The following DNAH14 variants were observed in gnomAD, a reference collection of about 807,000 sequenced individuals.
DNAH14 encodes the protein axonemal beta dynein heavy chain 14.
DNAH14 carries 478 observed loss-of-function variants against 520.9 expected under a neutral mutation model. That is an observed-to-expected ratio of 0.92 (90% CI 0.85 to 0.99). The LOEUF (loss-of-function observed/expected upper bound fraction) is 0.99. Among genes scored for constraint, DNAH14 ranks in the 50% least tolerant of loss-of-function variants. The pLI, the probability that DNAH14 is intolerant of heterozygous loss-of-function variation, is 0.00. For synonymous variants in DNAH14, 1,581 were observed against 1,757.2 expected, an observed-to-expected ratio of 0.90 and a Z score of 2.51; for missense variants, 4,831 against 5,234.5, an observed-to-expected ratio of 0.92 and a Z score of 2.38.
At chr1:225,273,388 G>A (rs915292076) in intron 52 of DNAH14, among the ~76,000 whole-genome samples, 2 of 152,176 alleles carry the variant, frequency 1.3e-5, no homozygotes, top group Non-Finnish European at 2.9e-5. Flanking sequence ...CCGATGAGCC[G>A]AGATCGCACC....
chr1:225,103,359 A>C (rs1172014376), intron 23 of DNAH14, among the ~76,000 whole-genome samples: 1 of 152,196 alleles, frequency 6.6e-6, no homozygotes, highest in African/African-American at 2.4e-5. Context: ...CTTAGCATTG[A>C]CTTGACAATG....
intron 8 of DNAH14, among the ~76,000 whole-genome samples, chr1:224,990,701 T>G (rs2062977342): frequency 1.3e-5 from 2 of 152,224 alleles, no homozygotes; most frequent in Admixed American, 1.3e-4. Context: ...CATCTGTTAA[T>G]GGGCACTTGG....
Position 225,002,851 on chromosome 1 carries a change from G to T in DNAH14, c.899G>T (p.Gly300Val), listed in dbSNP as rs1195539052. 5 of 1,549,494 alleles carry T rather than the reference G, an allele frequency of 3.2e-6. No homozygotes were observed. Among genetic ancestry groups the T allele is most frequent in the East Asian group, 2.5e-5 (1 of 40,726 alleles). Residue 300 changes from glycine to valine, a missense_variant, in exon 9 of 86, where the codon GGA (glycine) becomes GTA (valine). Gly to Val is a moderately radical substitution (Grantham distance 109). Transcript: ENST00000682510. ...CAAACCTGTTTGGTTTATATAAGAG[G>T]ACTTTGTGAAGATGCAATTAATCTC... is the stretch of plus-strand genomic sequence containing the variant. ...LFQTCLVYIR[G>V]LCEDAINLKN...
chr1:224,985,956 A>G (rs1180171139), intron 8 of DNAH14, among the ~76,000 whole-genome samples: 1 of 152,104 alleles, frequency 6.6e-6, no homozygotes. Context: ...TTAAAAAAGA[A>G]GTTAAAAAAG....
intron 37 of DNAH14, among the ~76,000 whole-genome samples, chr1:225,191,228 A>T (rs1254274479): frequency 6.6e-6 from 1 of 151,928 alleles, no homozygotes; most frequent in African/African-American, 2.4e-5. Context: ...CCCTTTATTC[A>T]TACCTTCAGC....
At chr1:225,355,508 C>T (rs1244344084) in intron 73 of DNAH14, among the ~76,000 whole-genome samples, 2 of 152,078 alleles carry the variant, frequency 1.3e-5, no homozygotes, top group Non-Finnish European at 2.9e-5. Context: ...GAGGGCAGAG[C>T]CCCCATGACC....
At chr1:224,990,005 C>G (rs1485122305) in intron 8 of DNAH14, among the ~76,000 whole-genome samples, 1 of 143,488 alleles carries the variant, frequency 7.0e-6, no homozygotes, top group Non-Finnish European at 1.5e-5. Flanking sequence ...GAATGATGGT[C>G]TGTGTTGTTG....
chr1:225,385,323 C>T (rs1441590624), intron 81 of DNAH14, among the ~76,000 whole-genome samples: 2 of 152,178 alleles, frequency 1.3e-5, no homozygotes, highest in Non-Finnish European at 2.9e-5. Flanking sequence ...TGGCACAAGA[C>T]AGGGATGCCC....
At chr1:224,958,909 G>A (rs1167306285) in intron 3 of DNAH14, among the ~76,000 whole-genome samples, 1 of 152,076 alleles carries the variant, frequency 6.6e-6, no homozygotes, top group Non-Finnish European at 1.5e-5. Context: ...GAATCAAAAA[G>A]CATGAGCTTC....
chr1:224,945,308 G>A (rs142305430), intron 1 of DNAH14, among the ~76,000 whole-genome samples: 35 of 151,944 alleles, frequency 2.3e-4, no homozygotes, highest in African/African-American at 4.8e-4. Flanking sequence ...TTGTGCATTC[G>A]TCACGTAGTT....
intron 10 of DNAH14, among the ~76,000 whole-genome samples, chr1:225,021,147 C>A (rs1411161953): frequency 6.6e-6 from 1 of 152,118 alleles, no homozygotes; most frequent in Non-Finnish European, 1.5e-5. Context: ...AGCCACATAC[C>A]TCAAAATAAT....
chr1:225,234,537 T>C (rs760042285), intron 42 of DNAH14, among the ~76,000 whole-genome samples: 10 of 152,198 alleles, frequency 6.6e-5, no homozygotes, highest in East Asian at 1.9e-4. Context: ...GGCTCTTTTT[T>C]GGTTCCATAT....
intron 38 of DNAH14, among the ~76,000 whole-genome samples, chr1:225,196,806 T>A (rs574051813): frequency 2.1e-4 from 32 of 152,358 alleles, no homozygotes; most frequent in African/African-American, 6.7e-4. Context: ...CATTTGTATA[T>A]CTTCTTTTGA....
chr1:225,310,150 C>T (rs1329189239), intron 60 of DNAH14, among the ~76,000 whole-genome samples: 2 of 151,568 alleles, frequency 1.3e-5, no homozygotes, highest in African/African-American at 2.4e-5. Context: ...AAATTCATGG[C>T]GTTTGTTTTT....
chr1:225,332,803 G>A (rs1574830716), intron 65 of DNAH14, among the ~76,000 whole-genome samples: 4 of 149,008 alleles, frequency 2.7e-5, no homozygotes, highest in South Asian at 2.2e-4. Flanking sequence ...AAGACCAACC[G>A]GGCAATGTAG....
At chr1:225,154,864 T>A (rs923964585) in intron 34 of DNAH14, among the ~76,000 whole-genome samples, 8 of 152,092 alleles carry the variant, frequency 5.3e-5, no homozygotes, top group Non-Finnish European at 8.8e-5. Context: ...AAAAGACAAT[T>A]GATAAACTAG....
chr1:225,183,823 G>T (rs908153592), intron 36 of DNAH14, among the ~76,000 whole-genome samples: 3 of 151,882 alleles, frequency 2.0e-5, no homozygotes, highest in African/African-American at 7.3e-5. Flanking sequence ...AAAATCTAGA[G>T]GAAATGGTTG....
intron 39 of DNAH14, 80 bp from the exon 40 acceptor site, chr1:225,205,891 T>C (rs1377943878): frequency 3.2e-6 from 4 of 1,248,662 alleles, no homozygotes; most frequent in Non-Finnish European, 4.5e-6. Flanking sequence ...ATGTCCTAAG[T>C]AAAATAGAAA....
At chr1:225,057,880 C>T (rs1333633673) in intron 17 of DNAH14, among the ~76,000 whole-genome samples, 3 of 152,190 alleles carry the variant, frequency 2.0e-5, no homozygotes, top group Non-Finnish European at 4.4e-5. Flanking sequence ...GCATGAAGCC[C>T]ACTTGATCAT....
Sources: gnomAD v4.1 joint callset for allele counts (sites outside exome capture counted in the v4.1 genomes callset) on GRCh38, gnomAD v4.1.1 for gene constraint, MANE v1.5 for transcripts, NCBI Gene and HGNC (gene_info 2026-07-23, HGNC 2026-07-21) for gene names.